Variants in CLDN14 observed in about 807,000 individuals in gnomAD.
CLDN14 encodes claudin-14.
A neutral mutation model predicts 2.1 loss-of-function variants in CLDN14; 2 were observed. The ratio of observed to expected loss-of-function variants is 0.96; its 90% CI spans 0.39 to 3.01. The LOEUF (loss-of-function observed/expected upper bound fraction) is 3.01. CLDN14 is among the 30% of genes most tolerant of loss of function. The pLI is 0.09. For synonymous variants in CLDN14, 136 were observed against 154.4 expected, an observed-to-expected ratio of 0.88 and a Z score of 0.88; for missense variants, 298 against 328.0, an observed-to-expected ratio of 0.91 and a Z score of 0.71.
chr21:36,543,156 C>T (rs117100299), intron 1 of CLDN14, among the ~76,000 whole-genome samples: 1 of 152,144 alleles, frequency 6.6e-6, no homozygotes, highest in Non-Finnish European at 1.5e-5. Context: ...CAGGGGCTGC[C>T]CTCTGGGGTA....
chr21:36,509,416 T>G (rs889179531), intron 2 of CLDN14, among the ~76,000 whole-genome samples: 2 of 151,846 alleles, frequency 1.3e-5, no homozygotes, highest in African/African-American at 2.4e-5. Context: ...GGGATGAAAA[T>G]TTTTGGCCCA....
At chr21:36,565,408 C>G (rs574295540) in intron 1 of CLDN14, among the ~76,000 whole-genome samples, 1 of 127,810 alleles carries the variant, frequency 7.8e-6, no homozygotes, top group South Asian at 2.9e-4. Flanking sequence ...TATGGTTTCC[C>G]TTTTTCCCAA....
At chr21:36,568,325 C>T (rs549283002) in intron 1 of CLDN14, among the ~76,000 whole-genome samples, 48 of 152,320 alleles carry the variant, frequency 3.2e-4, no homozygotes, top group Admixed American at 1.1e-3. Flanking sequence ...TTAGGGTCCA[C>T]CTGAGCTTTT....
intron 1 of CLDN14, among the ~76,000 whole-genome samples, chr21:36,559,047 C>T (rs2087616555): frequency 6.6e-6 from 1 of 152,084 alleles, no homozygotes; most frequent in Non-Finnish European, 1.5e-5. Flanking sequence ...AATGGGCATC[C>T]TTACCTTGTT....
At chr21:36,482,198 AG>A (rs1484160460), upstream of CLDN14, among the ~76,000 whole-genome samples, 4 of 152,240 alleles carry the variant, frequency 2.6e-5, no homozygotes, top group Non-Finnish European at 4.4e-5. Flanking sequence ...AATGCCAATC[AG>A]GGGTAAGTGA....
rs113404454 is a variant in CLDN14 at position 36,492,771 on chromosome 21, A to C, written c.-82+17592T>G. 4.2e-3 allele frequency among the ~76,000 whole-genome samples: 645 copies of C among 152,350 alleles called. 5 individuals carry two copies. Among genetic ancestry groups the C allele is most frequent in the African/African-American group, 0.014 (571 of 41,590 alleles). On this transcript the variant is annotated intron_variant, in intron 2 of 2. Coordinates refer to the CLDN14 transcript ENST00000342108. ...CAGAGGTGGGGATGATGCGACTACAAGCCAGGGAAGGCCAAGGAGACCTGG... is the reference window on the plus strand; with the variant it reads ...CAGAGGTGGGGATGATGCGACTACACGCCAGGGAAGGCCAAGGAGACCTGG...
intron 1 of CLDN14, among the ~76,000 whole-genome samples, chr21:36,536,112 G>A (rs6517361): frequency 0.48 from 72,526 of 152,160 alleles, 19,450 homozygotes; most frequent in Middle Eastern, 0.62. Flanking sequence ...CAGCTCTGTG[G>A]GGAGGTTGTT....
chr21:36,475,172 G>A (rs567141627), intron 1 of CLDN14, among the ~76,000 whole-genome samples: 1 of 152,190 alleles, frequency 6.6e-6, no homozygotes, highest in Non-Finnish European at 1.5e-5. Context: ...TGCACTGCGA[G>A]GGTCCCAAGT....
chr21:36,525,616 G>A (rs569690486), intron 1 of CLDN14, among the ~76,000 whole-genome samples: 17 of 152,254 alleles, frequency 1.1e-4, no homozygotes, highest in African/African-American at 4.1e-4. Context: ...AGGTGTGAAT[G>A]GTGACTTCCA....
intron 2 of CLDN14, chr21:36,486,851 T>A: frequency 1.4e-6 from 1 of 724,202 alleles, no homozygotes. Context: ...AAGGTGATCT[T>A]GCCCTTGGGT....
intron 1 of CLDN14, among the ~76,000 whole-genome samples, chr21:36,470,076 C>A (rs1020424061): frequency 5.3e-5 from 8 of 151,856 alleles, no homozygotes; most frequent in Admixed American, 2.0e-4. Context: ...CCCAAAAAAC[C>A]CAGGTGGACA....
rs1472085425 is a variant in CLDN14, at chr21:36,499,566, A to G, written c.-82+10797T>C. Among the ~76,000 whole-genome samples, 3 of 152,140 alleles carry G rather than the reference A, an allele frequency of 2.0e-5. No individual in the cohort carries two copies. The highest frequency in any genetic ancestry group is 4.4e-5 in the Non-Finnish European group (3 of 68,030). ...GGGGGCTTGTTGCAATGTCCGTACC[A>G]GGGCCCCAACCCAGACCTACCGAAT... On this transcript the variant is annotated intron_variant, in intron 2 of 2. Coordinates refer to the CLDN14 transcript ENST00000342108. This position sits in a 1 kb window ranked among gnomAD's most constrained non-coding sequence, Gnocchi z 4.7.
At position 36,533,748 on chromosome 21, in the gene CLDN14, C is replaced by A. The variant is rs182139745; in HGVS notation, c.-219-23248G>T. 2.1e-4 allele frequency among the ~76,000 whole-genome samples: 32 copies of A among 152,158 alleles called. 2 individuals are homozygous for A. In the East Asian group the frequency reaches 6.2e-3, roughly 29 times the overall value. ...AGCAAACTAATGCAGGAACAGAAAA[C>A]CAGAAACTGCATGTTCTCACTTATA... On this transcript the variant is annotated intron_variant, in intron 1 of 2. Coordinates refer to the CLDN14 transcript ENST00000342108.
At chr21:36,514,807 G>A (rs2087214503) in intron 1 of CLDN14, among the ~76,000 whole-genome samples, 1 of 151,982 alleles carries the variant, frequency 6.6e-6, no homozygotes, top group South Asian at 2.1e-4. Context: ...TCCTTCTCTT[G>A]CCTTGCCTCC....
intron 1 of CLDN14, among the ~76,000 whole-genome samples, chr21:36,556,781 T>C (rs1014744633): frequency 7.9e-5 from 12 of 152,222 alleles, no homozygotes; most frequent in African/African-American, 2.9e-4. Context: ...CTCTTCTCTC[T>C]CTCTATCTTT....
At chr21:36,559,723 A>G (rs893908516) in intron 1 of CLDN14, among the ~76,000 whole-genome samples, 2 of 152,258 alleles carry the variant, frequency 1.3e-5, no homozygotes, top group Non-Finnish European at 2.9e-5. Context: ...AATACATTAT[A>G]ATTTGTAACT....
intron 1 of CLDN14, among the ~76,000 whole-genome samples, chr21:36,570,576 G>T (rs746963527): frequency 6.6e-6 from 1 of 151,938 alleles, no homozygotes; most frequent in Non-Finnish European, 1.5e-5. Context: ...CAAAATGCAT[G>T]GCTGTAAATG....
rs1264188257 is a variant in CLDN14, at chr21:36,551,821, T to G, written c.-220+24590A>C. Among the ~76,000 whole-genome samples, 2 of 152,180 alleles carry G rather than the reference T, an allele frequency of 1.3e-5. No homozygotes were observed. The highest frequency in any genetic ancestry group is 4.8e-5 in the African/African-American group (2 of 41,444). On this transcript the variant is annotated intron_variant, in intron 1 of 2. Coordinates refer to the CLDN14 transcript ENST00000342108. The surrounding 1 kb of genome is among the most constrained non-coding windows in gnomAD (Gnocchi z 4.8). Reference sequence around the variant, plus strand: ...ATCAATGAAGCAGACAGCAACTCATTGCAACTGCTCCTGTCCTGTCGGTCG... The same window carrying G: ...ATCAATGAAGCAGACAGCAACTCATGGCAACTGCTCCTGTCCTGTCGGTCG...
intron 1 of CLDN14, among the ~76,000 whole-genome samples, chr21:36,572,225 C>G (rs1437644411): frequency 6.6e-6 from 1 of 152,066 alleles, no homozygotes; most frequent in Non-Finnish European, 1.5e-5. Flanking sequence ...CTATGTAATT[C>G]CAGCCCTGGC....
Sources: gnomAD v4.1 joint callset for allele counts (sites outside exome capture counted in the v4.1 genomes callset) on GRCh38, gnomAD v4.1.1 for gene constraint, Gnocchi (gnomAD v3.1) non-coding constraint, MANE v1.5 for transcripts, NCBI Gene and HGNC (gene_info 2026-07-23, HGNC 2026-07-21) for gene names.